Variants in TNFRSF6B observed in about 807,000 individuals in gnomAD.
TNFRSF6B encodes TNF receptor superfamily member 6b.
TNFRSF6B carries 23 observed loss-of-function variants against 17.9 expected under a neutral mutation model. That is an observed-to-expected ratio of 1.28 (90% CI 0.92 to 1.82). TNFRSF6B has a LOEUF of 1.82. TNFRSF6B is among the 40% of genes most tolerant of loss of function. The pLI is 0.00. For synonymous variants in TNFRSF6B, 291 were observed against 195.8 expected (o/e 1.49, Z -4.06); for missense variants, 555 against 437.2 (o/e 1.27, Z -2.40).
intron 2 of TNFRSF6B, among the ~76,000 whole-genome samples, chr20:63,697,727 AG>A (rs1449157844): frequency 4.6e-5 from 7 of 152,156 alleles, no homozygotes; most frequent in African/African-American, 1.7e-4. Flanking sequence ...GATCTGAGCC[AG>A]GGCACAGCCT....
chr20:63,697,563 G>A, intron 2 of TNFRSF6B, 41 bp downstream of exon 2: 2 of 1,490,742 alleles, frequency 1.3e-6, no homozygotes, highest in Non-Finnish European at 1.8e-6. Flanking sequence ...TGCAGGCCAG[G>A]CCCACTTGTG....
rs759092822 is a variant in TNFRSF6B at position 63,698,527 on chromosome 20, G to A, written c.867G>A (p.Glu289=). ...ALRVARMPGL[E]RSVRERFLPV... is the part of the protein sequence containing the mutation. ...GCGTGGCCAGGATGCCCGGGCTGGAGCGGAGCGTCCGTGAGCGCTTCCTCC... is the reference window on the plus strand; with the variant it reads ...GCGTGGCCAGGATGCCCGGGCTGGAACGGAGCGTCCGTGAGCGCTTCCTCC... The change falls in exon 3 of 3, where the codon GAG becomes GAA. Residue 289 remains glutamate (E), a synonymous_variant. Transcript: ENST00000369996. The A allele has an allele frequency of 4.5e-5, 70 of 1,549,084 alleles. No individual in the cohort carries two copies. The highest frequency in any genetic ancestry group is 5.7e-5 in the Non-Finnish European group (66 of 1,156,678).
At chr20:63,698,171 T>C (rs2091025464) in intron 2 of TNFRSF6B, 109 bp from the exon 3 acceptor site, 1 of 1,386,426 alleles carries the variant, frequency 7.2e-7, no homozygotes, top group African/African-American at 1.5e-5. Context: ...CAGGGATTTC[T>C]CTCTCCTGCA....
At chr20:63,697,916 G>GT (rs1270580643) in intron 2 of TNFRSF6B, among the ~76,000 whole-genome samples, 1 of 152,196 alleles carries the variant, frequency 6.6e-6, no homozygotes, top group Non-Finnish European at 1.5e-5. Context: ...CCACTGTTGA[G>GT]AAGTCACAGG....
intron 2 of TNFRSF6B, among the ~76,000 whole-genome samples, chr20:63,697,975 C>G (rs1009471090): frequency 2.6e-5 from 4 of 152,166 alleles, no homozygotes; most frequent in African/African-American, 9.7e-5. Context: ...ATCTGCAGGT[C>G]CCAACTCGCC....
rs1015872332 is a variant in TNFRSF6B at position 63,697,424 on chromosome 20, G to C, written c.521G>C (p.Cys174Ser). ...GAGCAGTGCCAGCCCCACCGCAACT[G>C]CACGGCCCTGGGCCTGGCCCTCAAT... ...SSEQCQPHRN[C>S]TALGLALNVP... The change falls in exon 2 of 3, where the codon TGC (cysteine) becomes TCC (serine). Residue 174 changes from cysteine to serine, a missense_variant. Transcript: ENST00000369996. The C allele has an allele frequency of 1.9e-6, 3 of 1,608,626 alleles. No homozygotes were observed. Among genetic ancestry groups the C allele is most frequent in the African/African-American group, 2.7e-5 (2 of 74,872 alleles).
rs776113875 is a variant in TNFRSF6B at position 63,697,540 on chromosome 20, GGGGGCAGCACACTGCA to G, written c.619+21_619+36del. 27 of 1,533,576 alleles carry G rather than the reference GGGGGCAGCACACTGCA, an allele frequency of 1.8e-5. No individual in the cohort carries two copies. Among genetic ancestry groups the G allele is most frequent in the Non-Finnish European group, 2.4e-5 (27 of 1,135,292 alleles). The allele number at this position is 1,533,576 out of a possible 1,614,324, so 95.0% of individuals were successfully genotyped here. A position where few individuals can be genotyped will look rare whatever the true frequency, so the allele number is the denominator to read the frequency against. On this transcript the variant is annotated intron_variant, in intron 2 of 2. Coordinates refer to ENST00000369996, the MANE Select transcript of TNFRSF6B (RefSeq NM_003823.4). Reference sequence around the variant, plus strand: ...GGTACCAGGTGAGCCAGAGGCCTGAGGGGGCAGCACACTGCAGGCCAGGCCCACTTGTGCCCTCACT... The same window carrying G: ...GGTACCAGGTGAGCCAGAGGCCTGAGGGCCAGGCCCACTTGTGCCCTCACT...
At position 63,697,726 on chromosome 20, in the gene TNFRSF6B, C is replaced by T. The variant is rs984164639; in HGVS notation, c.619+204C>T. On this transcript the variant is annotated intron_variant, in intron 2 of 2. Transcript: ENST00000369996. ...GGTGGCTGAGAATTTGGATCTGAGCCAGGGCACAGCCTCCCCTGGGGAGCT... is the reference window on the plus strand; with the variant it reads ...GGTGGCTGAGAATTTGGATCTGAGCTAGGGCACAGCCTCCCCTGGGGAGCT... Among the ~76,000 whole-genome samples, 4 of 152,158 alleles carry T rather than the reference C, an allele frequency of 2.6e-5. No homozygotes were observed. The East Asian group carries it at 7.7e-4, about 29-fold the overall frequency.
At position 63,698,166 on chromosome 20, in the gene TNFRSF6B, ATT is replaced by A. The variant is rs1189288059; in HGVS notation, c.620-112_620-111del. ...CTCCAGCACGGCTCACTGCACAGGG[ATT>A]TCTCTCTCCTGCAAACCCCCCGAGT... On this transcript the variant is annotated intron_variant, in intron 2 of 2. Coordinates refer to ENST00000369996, the MANE Select transcript of TNFRSF6B (RefSeq NM_003823.4). 2.2e-6 allele frequency: 3 copies of A among 1,355,564 alleles called. No individual in the cohort carries two copies. In the East Asian group the frequency reaches 7.8e-5, roughly 35 times the overall value. The allele number at this position is 1,355,564 out of a possible 1,614,324, so 84.0% of individuals were successfully genotyped here.
In TNFRSF6B at chr20:63,696,750, C is replaced by T. The variant is rs2090989720; in HGVS notation, c.-18C>T. The stretch of plus-strand genomic sequence containing the variant: ...TGTGTCCGCGCTGAGCCGCGCTCTC[C>T]CTGCTCCAGCAAGGACCATGAGGGC... On this transcript the variant is annotated 5_prime_UTR_variant, in exon 1 of 3. Transcript: ENST00000369996. The T allele has an allele frequency of 9.7e-6, 15 of 1,549,722 alleles. No individual in the cohort carries two copies. Among genetic ancestry groups the T allele is most frequent in the Non-Finnish European group, 1.2e-5 (14 of 1,147,272 alleles).
Position 63,697,310 on chromosome 20 carries a change from C to A in TNFRSF6B, c.425-18C>A, listed in dbSNP as rs111453181. ...GGACACCAGTTCCCCTGACCCTGTT[C>A]TTCCCTCCTGGCTGCAGGCACCCCC... On this transcript the variant is annotated intron_variant, in intron 1 of 2. Transcript: ENST00000369996. The A allele has an allele frequency of 6.2e-7, 1 of 1,606,604 alleles. No homozygotes were observed. The highest frequency in any genetic ancestry group is 8.5e-7 in the Non-Finnish European group (1 of 1,177,518).
At chr20:63,697,216 C>A (rs982160679) in intron 1 of TNFRSF6B, 25 bp downstream of exon 1, 2 of 1,550,926 alleles carry the variant, frequency 1.3e-6, no homozygotes, top group Admixed American at 1.9e-5. Flanking sequence ...AGGGGAGGGG[C>A]CCCCAGGAGT....
intron 2 of TNFRSF6B, 82 bp downstream of exon 2, chr20:63,697,604 G>A (rs138494433): frequency 1.4e-6 from 2 of 1,391,468 alleles, no homozygotes; most frequent in East Asian, 2.6e-5. Flanking sequence ...CGTGCATCTA[G>A]CCTGAGGCAT....
Position 63,697,368 on chromosome 20 carries a change from A to C in TNFRSF6B, c.465A>C (p.Pro155=). The C allele has an allele frequency of 6.2e-7, 1 of 1,612,094 alleles. No homozygotes were observed. The highest frequency in any genetic ancestry group is 1.1e-5 in the South Asian group (1 of 91,014). ...SQNTQCQPCP[P]GTFSASSSSS... Reference sequence around the variant, plus strand: ...ACACGCAGTGCCAGCCGTGCCCCCCAGGCACCTTCTCAGCCAGCAGCTCCA... The same window carrying C: ...ACACGCAGTGCCAGCCGTGCCCCCCCGGCACCTTCTCAGCCAGCAGCTCCA... The change falls in exon 2 of 3, where the codon CCA becomes CCC. Residue 155 remains proline, a synonymous_variant. Transcript: ENST00000369996.
At chr20:63,697,608 G>A in intron 2 of TNFRSF6B, 86 bp downstream of exon 2, 2 of 1,374,972 alleles carry the variant, frequency 1.5e-6, no homozygotes, top group South Asian at 1.5e-5. Flanking sequence ...CATCTAGCCT[G>A]AGGCATGCCA....
Position 63,697,107 on chromosome 20 carries a change from C to A in TNFRSF6B, c.340C>A (p.Arg114Ser). The A allele has an allele frequency of 6.2e-7, 1 of 1,601,430 alleles. No homozygotes were observed. Among genetic ancestry groups the A allele is most frequent in the South Asian group, 1.1e-5 (1 of 90,074 alleles). ...ACHATHNRAC[R>S]CRTGFFAHAG... ...CCACGCCACCCACAACCGTGCCTGC[C>A]GCTGCCGCACCGGCTTCTTCGCGCA... The change falls in exon 1 of 3, where the codon CGC becomes AGC. Residue 114 changes from arginine to serine, a missense_variant. By Grantham distance (110) the Arg-to-Ser change is moderately radical (BLOSUM62 -1). Coordinates refer to ENST00000369996, the MANE Select transcript of TNFRSF6B (RefSeq NM_003823.4).
Position 63,696,655 on chromosome 20 carries a change from C to G in TNFRSF6B, c.-113C>G. The G allele has an allele frequency of 8.1e-7, 1 of 1,239,052 alleles. No homozygotes were observed. The allele number at this position is 1,239,052 out of a possible 1,614,324, so 76.8% of individuals were successfully genotyped here. A position where few individuals can be genotyped will look rare whatever the true frequency, so the allele number is the denominator to read the frequency against. On this transcript the variant is annotated 5_prime_UTR_variant, in exon 1 of 3. Transcript: ENST00000369996. The stretch of plus-strand genomic sequence containing the variant: ...GGCAGCAGCAGGATGGGCTTCTGGA[C>G]TTGGGCGGCCCCTCCGCAGGCGGAC...
At position 63,697,184 on chromosome 20, in the gene TNFRSF6B, T is replaced by G; in HGVS notation, c.417T>G (p.Ile139Met). The G allele has an allele frequency of 6.4e-7, 1 of 1,559,804 alleles. No individual in the cohort carries two copies. Residue 139 changes from isoleucine to methionine, a missense_variant, in exon 1 of 3, where the codon ATT becomes ATG. Physicochemically the swap from Ile to Met is conservative, Grantham distance 10. Coordinates refer to ENST00000369996, the MANE Select transcript of TNFRSF6B (RefSeq NM_003823.4). ...CGTGTCCACCTGGTGCCGGCGTGAT[T>G]GCCCCGGGTGAGAGCTGGGCGAGGG... Reference protein sequence around the residue: ...HASCPPGAGVIAPGTPSQNTQ... With the variant: ...HASCPPGAGVMAPGTPSQNTQ...
chr20:63,698,299 T>A lies in TNFRSF6B; in HGVS notation c.639T>A (p.Arg213=). ...TRVPGAEECE[R]AVIDFVAFQD... is the part of the protein sequence containing the mutation. ...CTGCAGGAGCTGAGGAGTGTGAGCG[T>A]GCCGTCATCGACTTTGTGGCTTTCC... is the stretch of plus-strand genomic sequence containing the variant. The change falls in exon 3 of 3, where the codon CGT becomes CGA. Residue 213 remains arginine (R), a synonymous_variant. Transcript: ENST00000369996. 3 of 1,610,940 alleles carry A rather than the reference T, an allele frequency of 1.9e-6. No homozygotes were observed. The highest frequency in any genetic ancestry group is 2.5e-6 in the Non-Finnish European group (3 of 1,179,238).
Sources: allele counts gnomAD v4.1 joint callset (sites outside exome capture counted in the v4.1 genomes callset), GRCh38; gene constraint gnomAD v4.1.1; transcripts MANE v1.5; gene names NCBI Gene and HGNC (gene_info 2026-07-23, HGNC 2026-07-21).